SHISA9: variants seen among roughly 807,000 people sequenced by gnomAD.
The protein encoded by SHISA9 is shisa family member 9.
In SHISA9, 13 loss-of-function variants were observed where a neutral mutation model predicts 38.0. The ratio of observed to expected loss-of-function variants is 0.34; its 90% CI spans 0.22 to 0.54. The LOEUF (loss-of-function observed/expected upper bound fraction) is 0.54, where lower values mean the gene tolerates loss of function less well. SHISA9 is among the 20% of genes least tolerant of loss of function. The pLI, the probability that SHISA9 is intolerant of heterozygous loss-of-function variation, is 0.91. For synonymous variants in SHISA9, 275 were observed against 242.0 expected (o/e 1.14, Z -1.27); for missense variants, 538 against 575.8 (o/e 0.93, Z 0.67).
chr16:13,054,237 G>C (rs529401434), intron 2 of SHISA9, among the ~76,000 whole-genome samples: 2 of 152,234 alleles, frequency 1.3e-5, no homozygotes, highest in African/African-American at 4.8e-5. Context: ...CCTCAGTTTT[G>C]TCATCTATAA....
chr16:13,170,575 G>C (rs1393189076), intron 2 of SHISA9, among the ~76,000 whole-genome samples: 1 of 152,214 alleles, frequency 6.6e-6, no homozygotes, highest in African/African-American at 2.4e-5. Context: ...GTGCAGCAAA[G>C]TACCATGGCA....
intron 2 of SHISA9, among the ~76,000 whole-genome samples, chr16:12,940,373 A>C (rs894106653): frequency 2.0e-5 from 3 of 151,930 alleles, no homozygotes; most frequent in Non-Finnish European, 4.4e-5. Context: ...CTACAACCCC[A>C]GTCCACATTC....
the SHISA9 span, among the ~76,000 whole-genome samples, chr16:13,266,998 G>A: frequency 6.6e-6 from 1 of 152,114 alleles, no homozygotes; most frequent in African/African-American, 2.4e-5. Context: ...TAATCACCAG[G>A]ACAAAATAAA....
At chr16:13,364,039 A>T in the SHISA9 span, among the ~76,000 whole-genome samples, 2 of 152,210 alleles carry the variant, frequency 1.3e-5, no homozygotes, top group Non-Finnish European at 2.9e-5. Flanking sequence ...CACTGATCTG[A>T]GGGATGGAGC....
chr16:13,033,960 A>G (rs1041744891), intron 2 of SHISA9, among the ~76,000 whole-genome samples: 3 of 152,182 alleles, frequency 2.0e-5, no homozygotes, highest in Admixed American at 2.0e-4. Flanking sequence ...AGCCTAACTA[A>G]CATGGCAAAA....
chr16:13,269,615 CAAAT>C, the SHISA9 span, among the ~76,000 whole-genome samples: 2 of 152,142 alleles, frequency 1.3e-5, no homozygotes, highest in African/African-American at 4.8e-5. Context: ...TCTCATCTAA[CAAAT>C]AAAGGAGGTA....
the SHISA9 span, among the ~76,000 whole-genome samples, chr16:13,419,569 A>C: frequency 6.6e-6 from 1 of 152,186 alleles, no homozygotes; most frequent in African/African-American, 2.4e-5. Context: ...GGAAGTCTAG[A>C]TGTGGTTATA....
chr16:13,537,194 T>C, the SHISA9 span, among the ~76,000 whole-genome samples: 43 of 152,126 alleles, frequency 2.8e-4, no homozygotes, highest in African/African-American at 1.0e-3. Context: ...TTGGGAGGCC[T>C]ACGGGGGCAA....
At chr16:13,048,613 G>C (rs887412787) in intron 2 of SHISA9, among the ~76,000 whole-genome samples, 2 of 152,118 alleles carry the variant, frequency 1.3e-5, no homozygotes, top group Non-Finnish European at 2.9e-5. Context: ...ATAGAAATAG[G>C]GTTTTACCAT....
chr16:13,147,196 A>C (rs933330620), intron 2 of SHISA9, among the ~76,000 whole-genome samples: 3 of 152,150 alleles, frequency 2.0e-5, no homozygotes, highest in Non-Finnish European at 4.4e-5. Flanking sequence ...GACACGGAAG[A>C]ATGGTAGGAA....
the SHISA9 span, among the ~76,000 whole-genome samples, chr16:13,446,997 A>G: frequency 0.01 from 1,586 of 151,786 alleles, 13 homozygotes; most frequent in Middle Eastern, 0.034. Context: ...AAAAAAAAAA[A>G]AGTGAAAGGG....
At chr16:13,257,576 T>C in the SHISA9 span, among the ~76,000 whole-genome samples, 1 of 152,194 alleles carries the variant, frequency 6.6e-6, no homozygotes, top group Admixed American at 6.5e-5. Context: ...CACCCCCTTT[T>C]GTAAAGTACG....
chr16:13,383,907 G>T, the SHISA9 span, among the ~76,000 whole-genome samples: 2 of 152,046 alleles, frequency 1.3e-5, no homozygotes, highest in Non-Finnish European at 2.9e-5. Flanking sequence ...CACCTGCCTC[G>T]GCCTCCCAAA....
chr16:13,095,086 A>G (rs1183258261), intron 2 of SHISA9, among the ~76,000 whole-genome samples: 1 of 152,228 alleles, frequency 6.6e-6, no homozygotes, highest in Non-Finnish European at 1.5e-5. Flanking sequence ...CAAATGGTTT[A>G]CAGGTCCCAG....
At chr16:13,026,586 C>A (rs1408245166) in intron 2 of SHISA9, among the ~76,000 whole-genome samples, 1 of 152,024 alleles carries the variant, frequency 6.6e-6, no homozygotes, top group Middle Eastern at 3.2e-3. Context: ...TTTTATATAT[C>A]CAGAAATGGG....
intron 4 of SHISA9, among the ~76,000 whole-genome samples, chr16:13,226,159 A>T (rs1050408897): frequency 6.6e-6 from 1 of 152,216 alleles, no homozygotes; most frequent in South Asian, 2.1e-4. Context: ...CTAGATAAGC[A>T]TTTCTTTCCC....
intron 1 of SHISA9, chr16:12,902,941 A>C: frequency 3.2e-6 from 1 of 315,814 alleles, no homozygotes; most frequent in Non-Finnish European, 5.8e-6. Flanking sequence ...GTAGCCTGGG[A>C]GCCCGTGGCC....
the SHISA9 span, among the ~76,000 whole-genome samples, chr16:13,370,488 G>A: frequency 6.6e-6 from 1 of 152,168 alleles, no homozygotes; most frequent in Non-Finnish European, 1.5e-5. Context: ...GTTAAGAAGG[G>A]TTTGTTTTCT....
the SHISA9 span, among the ~76,000 whole-genome samples, chr16:13,505,221 G>A: frequency 3.3e-5 from 5 of 152,190 alleles, no homozygotes; most frequent in South Asian, 2.1e-4. Context: ...GTGCAGAATG[G>A]CAAAAGCAAT....
Sources: allele counts gnomAD v4.1 joint callset (sites outside exome capture counted in the v4.1 genomes callset), GRCh38; gene constraint gnomAD v4.1.1; transcripts MANE v1.5; gene names NCBI Gene and HGNC (gene_info 2026-07-23, HGNC 2026-07-21).